Variants in CACNA2D1 observed in about 807,000 individuals in gnomAD.
The protein encoded by CACNA2D1 is calcium voltage-gated channel auxiliary subunit alpha2delta 1, also known as voltage-dependent calcium channel subunit alpha-2/delta-1.
A neutral mutation model predicts 171.5 loss-of-function variants in CACNA2D1; 53 were observed. That is an observed-to-expected ratio of 0.31 (90% confidence interval 0.25 to 0.39). The LOEUF (loss-of-function observed/expected upper bound fraction) is 0.39. Ranked by LOEUF, CACNA2D1 falls within the 10% of genes least tolerant of loss-of-function variation. The pLI is 1.00. For synonymous variants in CACNA2D1, 442 were observed against 443.1 expected, an observed-to-expected ratio of 1.00 and a Z score of 0.03; for missense variants, 903 against 1,299.8, an observed-to-expected ratio of 0.69 and a Z score of 4.69.
At chr7:81,978,839 A>T (rs1040405815) in intron 24 of CACNA2D1, among the ~76,000 whole-genome samples, 4 of 148,646 alleles carry the variant, frequency 2.7e-5, no homozygotes, top group African/African-American at 7.4e-5. Flanking sequence ...TTTATTTATA[A>T]TCAAGCCCAT....
intron 5 of CACNA2D1, among the ~76,000 whole-genome samples, chr7:82,131,799 A>G (rs1053361012): frequency 3.3e-5 from 5 of 152,214 alleles, no homozygotes; most frequent in African/African-American, 1.2e-4. Flanking sequence ...GAACAGTGAT[A>G]GTAGCCAAAT....
chr7:82,274,855 T>TATGAATAA (rs1554492139), intron 3 of CACNA2D1, among the ~76,000 whole-genome samples: 3 of 150,272 alleles, frequency 2.0e-5, no homozygotes, highest in Non-Finnish European at 4.4e-5. Context: ...TACAGGTATT[T>TATGAATAA]ATGAATGAAT....
chr7:82,299,492 C>G (rs1007186300), intron 3 of CACNA2D1, among the ~76,000 whole-genome samples: 3 of 151,920 alleles, frequency 2.0e-5, no homozygotes, highest in Non-Finnish European at 4.4e-5. Flanking sequence ...GAAACCCCAT[C>G]TCTACTAAAA....
chr7:82,291,538 GATAT>G (rs1270072495), intron 3 of CACNA2D1, among the ~76,000 whole-genome samples: 1 of 125,246 alleles, frequency 8.0e-6, no homozygotes, highest in Non-Finnish European at 1.6e-5. Context: ...CTATATATGT[GATAT>G]ATAGATATAT....
At chr7:82,423,906 C>T (rs1166825931) in intron 1 of CACNA2D1, among the ~76,000 whole-genome samples, 1 of 152,054 alleles carries the variant, frequency 6.6e-6, no homozygotes, top group African/African-American at 2.4e-5. Flanking sequence ...TGTTTACACA[C>T]TTTTAAAACA....
intron 3 of CACNA2D1, among the ~76,000 whole-genome samples, chr7:82,316,674 T>TA (rs1339046963): frequency 1.3e-5 from 2 of 152,144 alleles, no homozygotes; most frequent in African/African-American, 4.8e-5. Flanking sequence ...CAAGACTGGG[T>TA]AATTTATAAA....
intron 3 of CACNA2D1, among the ~76,000 whole-genome samples, chr7:82,317,676 T>G (rs1276172887): frequency 6.6e-6 from 1 of 152,046 alleles, no homozygotes; most frequent in Non-Finnish European, 1.5e-5. Context: ...GAGACTACTA[T>G]TTAGAAGAGA....
chr7:82,067,525 TTTTTC>T (rs1807800515), intron 7 of CACNA2D1, among the ~76,000 whole-genome samples: 1 of 152,182 alleles, frequency 6.6e-6, no homozygotes, highest in Non-Finnish European at 1.5e-5. Context: ...CTGTGAAATT[TTTTTC>T]TTATTAGTAG....
chr7:82,405,710 G>C (rs540554503), intron 1 of CACNA2D1, among the ~76,000 whole-genome samples: 1 of 152,218 alleles, frequency 6.6e-6, no homozygotes, highest in South Asian at 2.1e-4. Context: ...AGTTTGAGTG[G>C]TGTCTGGTGG....
chr7:82,308,613 C>A (rs1177014367), intron 3 of CACNA2D1, among the ~76,000 whole-genome samples: 1 of 152,170 alleles, frequency 6.6e-6, no homozygotes, highest in Non-Finnish European at 1.5e-5. Context: ...AAGATTTACA[C>A]CTATAAGAAA....
intron 10 of CACNA2D1, among the ~76,000 whole-genome samples, chr7:82,045,122 G>GA (rs11405710): frequency 0.98 from 149,203 of 152,084 alleles, 73,233 homozygotes; most frequent in Non-Finnish European, 1. Context: ...CAGATTAATA[G>GA]AAAAAAATGC....
At chr7:82,058,816 C>T (rs1487989725) in intron 10 of CACNA2D1, among the ~76,000 whole-genome samples, 1 of 152,150 alleles carries the variant, frequency 6.6e-6, no homozygotes, top group Non-Finnish European at 1.5e-5. Context: ...AAGAGTTTCA[C>T]AGGGCTCCTT....
chr7:82,005,530 T>G, intron 17 of CACNA2D1, 33 bp from the exon 18 acceptor site: 1 of 1,301,604 alleles, frequency 7.7e-7, no homozygotes, highest in Non-Finnish European at 1.1e-6. Flanking sequence ...AGCTTGGATA[T>G]GCCTGAGTCA....
intron 11 of CACNA2D1, among the ~76,000 whole-genome samples, chr7:82,033,811 AATT>A (rs1802995674): frequency 6.6e-6 from 1 of 152,204 alleles, no homozygotes; most frequent in East Asian, 1.9e-4. Flanking sequence ...CGAGGTCCAA[AATT>A]ATTATCTTAA....
At chr7:82,269,554 C>T (rs1415378854) in intron 3 of CACNA2D1, among the ~76,000 whole-genome samples, 2 of 152,156 alleles carry the variant, frequency 1.3e-5, no homozygotes, top group Admixed American at 6.6e-5. Flanking sequence ...GCTTTATCAT[C>T]TATATGCTTC....
rs1174278503 is a variant in CACNA2D1 at position 82,137,707 on chromosome 7, T to TAAAAAA, written c.355-1037_355-1032dup. On this transcript the variant is annotated intron_variant, in intron 4 of 38. Coordinates refer to ENST00000356860, the MANE Select transcript of CACNA2D1 (RefSeq NM_000722.4). Reference sequence around the variant, plus strand: ...TAATACAGTGAAACTCCGTCTCTACTAAAAAAAAAAAAAAAAAAAAAAATT... The same window carrying TAAAAAA: ...TAATACAGTGAAACTCCGTCTCTACTAAAAAAAAAAAAAAAAAAAAAAAAAAAAATT... Among the ~76,000 whole-genome samples, 182 of 78,812 alleles carry TAAAAAA rather than the reference T, an allele frequency of 2.3e-3. 14 individuals are homozygous for TAAAAAA. Among genetic ancestry groups the TAAAAAA allele is most frequent in the African/African-American group, 8.3e-3 (156 of 18,746 alleles). 51.7% of individuals were successfully genotyped at this position (78,812 alleles called of 152,430 possible).
intron 6 of CACNA2D1, among the ~76,000 whole-genome samples, chr7:82,109,278 G>C (rs1788104465): frequency 6.6e-6 from 1 of 151,812 alleles, no homozygotes; most frequent in South Asian, 2.1e-4. Context: ...CAAAACTTAA[G>C]AAGGTCCTAC....
At chr7:82,108,309 G>A (rs1000566935) in intron 6 of CACNA2D1, among the ~76,000 whole-genome samples, 2 of 152,118 alleles carry the variant, frequency 1.3e-5, no homozygotes, top group Non-Finnish European at 1.5e-5. Context: ...CTCCAAAGAA[G>A]TAGCTATAAA....
chr7:82,382,365 A>T (rs1179468400), intron 1 of CACNA2D1, among the ~76,000 whole-genome samples: 1 of 152,166 alleles, frequency 6.6e-6, no homozygotes, highest in East Asian at 1.9e-4. Context: ...ACTGTAAAGC[A>T]TTCTTTTGTT....
Sources: allele counts gnomAD v4.1 joint callset (sites outside exome capture counted in the v4.1 genomes callset), GRCh38; gene constraint gnomAD v4.1.1; transcripts MANE v1.5; gene names NCBI Gene and HGNC (gene_info 2026-07-23, HGNC 2026-07-21).